The following PLXNA2 variants were observed in gnomAD, a reference collection of about 807,000 sequenced individuals.
PLXNA2 encodes the protein plexin A2.
A neutral mutation model predicts 193.5 loss-of-function variants in PLXNA2; 91 were observed. The ratio of observed to expected loss-of-function variants is 0.47; its 90% CI spans 0.40 to 0.56. The LOEUF is 0.56. Among genes scored for constraint, PLXNA2 ranks in the 20% least tolerant of loss-of-function variants. The probability of loss-of-function intolerance (pLI) is 0.00; values close to 1 mark genes in which losing one functional copy is unlikely to be tolerated. For missense variants in PLXNA2, 1,995 were observed against 2,503.2 expected, an observed-to-expected ratio of 0.80 and a Z score of 4.33; for synonymous variants, 997 against 1,027.3, an observed-to-expected ratio of 0.97 and a Z score of 0.56.
chr1:208,103,204 C>T lies in PLXNA2; in HGVS notation c.1550G>A (p.Cys517Tyr). The change falls in exon 5 of 32, where the codon TGT becomes TAT. Residue 517 changes from cysteine (C) to tyrosine (Y), a missense_variant. Coordinates refer to ENST00000367033, the MANE Select transcript of PLXNA2 (RefSeq NM_025179.4). ...GTCCCCAGAGCTCAGGCACTCCCCA[C>T]AAGTCGTATACTGCTCACATGACTC... ...PVESCEQYTTCGECLSSGDPH... is the reference protein window; with the variant it reads ...PVESCEQYTTYGECLSSGDPH... 1 of 1,614,184 alleles carries T rather than the reference C, an allele frequency of 6.2e-7. No homozygotes were observed. The highest frequency in any genetic ancestry group is 8.5e-7 in the Non-Finnish European group (1 of 1,180,030).
Position 208,098,850 on chromosome 1 carries a change from C to T in PLXNA2, c.1727G>A (p.Arg576Gln), listed in dbSNP as rs777714144. ...GCCCCTGGATGAGTTACTTACCAAC[C>T]GGCTGTGCTCAGATACTGAGATGCT... ...PSSISVSEHS[R>Q]LLSLVVSDAP... is the part of the protein sequence containing the mutation. The change falls in exon 6 of 32, where the codon CGG becomes CAG. Residue 576 changes from arginine to glutamine, a missense_variant. By Grantham distance (43) the Arg-to-Gln change is conservative. This residue lies in a region of PLXNA2 where 702 missense variants were observed against 812.9 expected (regional missense o/e 0.86). Coordinates refer to ENST00000367033, the MANE Select transcript of PLXNA2 (RefSeq NM_025179.4). The T allele has an allele frequency of 8.7e-6, 14 of 1,613,344 alleles. No individual in the cohort carries two copies. Among genetic ancestry groups the T allele is most frequent in the African/African-American group, 6.7e-5 (5 of 74,904 alleles).
intron 1 of PLXNA2, among the ~76,000 whole-genome samples, chr1:208,238,170 AAT>A (rs1489885222): frequency 6.6e-6 from 1 of 152,070 alleles, no homozygotes; most frequent in Non-Finnish European, 1.5e-5. Flanking sequence ...CGTCGGAGAG[AAT>A]ATGTGTGTTT....
intron 11 of PLXNA2, among the ~76,000 whole-genome samples, chr1:208,079,678 T>C (rs550521090): frequency 8.5e-5 from 13 of 152,340 alleles, no homozygotes; most frequent in Admixed American, 5.9e-4. Flanking sequence ...TGGCTCTAGA[T>C]TGAATCAGAT....
At chr1:208,042,653 C>T (rs935125712) in intron 21 of PLXNA2, among the ~76,000 whole-genome samples, 1 of 152,102 alleles carries the variant, frequency 6.6e-6, no homozygotes, top group African/African-American at 2.4e-5. Flanking sequence ...TAGGAGATGC[C>T]CCCTCAAACT....
chr1:208,069,479 A>T (rs1441341691), intron 12 of PLXNA2, among the ~76,000 whole-genome samples: 1 of 152,226 alleles, frequency 6.6e-6, no homozygotes, highest in Non-Finnish European at 1.5e-5. Context: ...TTTGGAGGGA[A>T]CTGTGCCACA....
intron 20 of PLXNA2, 45 bp from the exon 21 acceptor site, chr1:208,043,248 C>A: frequency 6.3e-7 from 1 of 1,596,630 alleles, no homozygotes; most frequent in South Asian, 1.1e-5. Flanking sequence ...AAGCCCCAGT[C>A]GGGGGAGGAG....
chr1:208,244,304 T>TGGCGGC lies in PLXNA2; in HGVS notation c.-748_-743dup, dbSNP rs750500251. ...CTCCCGGCAGCTCTGGCTCCCGCGGTGGCGGCGGCGGCGGCGGCGGCGGCG... is the reference window on the plus strand; with the variant it reads ...CTCCCGGCAGCTCTGGCTCCCGCGGTGGCGGCGGCGGCGGCGGCGGCGGCGGCGGCG... On this transcript the variant is annotated 5_prime_UTR_variant, in exon 1 of 32. Coordinates refer to ENST00000367033, the MANE Select transcript of PLXNA2 (RefSeq NM_025179.4). 8 of 194,330 alleles carry TGGCGGC rather than the reference T, an allele frequency of 4.1e-5. No homozygotes were observed. Among genetic ancestry groups the TGGCGGC allele is most frequent in the Admixed American group, 1.3e-4 (2 of 15,746 alleles). The allele number at this position is 194,330 out of a possible 1,614,324, so 12.0% of individuals were successfully genotyped here.
intron 17 of PLXNA2, among the ~76,000 whole-genome samples, chr1:208,046,352 A>G (rs1023775589): frequency 1.3e-5 from 2 of 152,108 alleles, no homozygotes; most frequent in African/African-American, 2.4e-5. Context: ...TCTAGTTTCT[A>G]GTTTGTGCTG....
intron 2 of PLXNA2, among the ~76,000 whole-genome samples, chr1:208,211,294 G>T (rs1289922461): frequency 6.6e-6 from 1 of 152,182 alleles, no homozygotes; most frequent in Non-Finnish European, 1.5e-5. Context: ...TGGAGGTGGT[G>T]TCCTTCATAT....
chr1:208,155,203 G>A (rs1156850012), intron 3 of PLXNA2, among the ~76,000 whole-genome samples: 1 of 152,122 alleles, frequency 6.6e-6, no homozygotes, highest in Admixed American at 6.5e-5. Context: ...AGGAGGAGTC[G>A]TTTGACTAGG....
chr1:208,055,088 C>T (rs548018632), intron 13 of PLXNA2, among the ~76,000 whole-genome samples: 5 of 152,108 alleles, frequency 3.3e-5, no homozygotes, highest in Admixed American at 6.5e-5. Flanking sequence ...CCCTGCAGAA[C>T]GGGAGGGGTG....
chr1:208,201,557 A>G (rs1436527666), intron 3 of PLXNA2, among the ~76,000 whole-genome samples: 6 of 152,144 alleles, frequency 3.9e-5, no homozygotes, highest in African/African-American at 1.4e-4. Context: ...TGTCACTGAA[A>G]AGGAGCCTGA....
In PLXNA2 at chr1:208,082,896, G is replaced by A. The variant is rs1666392329; in HGVS notation, c.2299-388C>T. On this transcript the variant is annotated intron_variant, in intron 10 of 31. Transcript: ENST00000367033. The surrounding 1 kb of genome is among the most constrained non-coding windows in gnomAD (Gnocchi z 4.2). ...CCCAGCTCAGCTCTACTTTCCCCAGGAGTCCTCTCCCACAACCCTGCAGAT... is the reference window on the plus strand; with the variant it reads ...CCCAGCTCAGCTCTACTTTCCCCAGAAGTCCTCTCCCACAACCCTGCAGAT... 6.6e-6 allele frequency among the ~76,000 whole-genome samples: 1 copy of A among 152,064 alleles called. No individual in the cohort carries two copies. The highest frequency in any genetic ancestry group is 2.4e-5 in the African/African-American group (1 of 41,372).
Position 208,079,466 on chromosome 1 carries a change from G to GA in PLXNA2, c.2396-17_2396-16insT. On this transcript the variant is annotated splice_polypyrimidine_tract_variant and intron_variant, in intron 11 of 31. Coordinates refer to ENST00000367033, the MANE Select transcript of PLXNA2 (RefSeq NM_025179.4). ...TAGAGATGGACTGCAAAGAGAGCAG[G>GA]TGGTCACAGATGAAACCAGAAAGGG... 6.5e-7 allele frequency: 1 copy of GA among 1,549,630 alleles called. No homozygotes were observed. The highest frequency in any genetic ancestry group is 8.8e-7 in the Non-Finnish European group (1 of 1,139,052).
rs200141319 is a variant in PLXNA2 at position 208,031,770 on chromosome 1, G to T, written c.5056-11C>A. On this transcript the variant is annotated splice_polypyrimidine_tract_variant and intron_variant, in intron 28 of 31. Transcript: ENST00000367033. Reference sequence around the variant, plus strand: ...CTTCTGCAGGGTGCCCTGGAGGAGGGGTGGGGGAGAGTAAGATGGAGGGGG... The same window carrying T: ...CTTCTGCAGGGTGCCCTGGAGGAGGTGTGGGGGAGAGTAAGATGGAGGGGG... 243 of 1,588,832 alleles carry T rather than the reference G, an allele frequency of 1.5e-4. No homozygotes were observed. In the African/African-American group the frequency reaches 2.9e-3, roughly 19 times the overall value.
At chr1:208,207,596 C>T (rs954680552) in intron 3 of PLXNA2, among the ~76,000 whole-genome samples, 1 of 152,200 alleles carries the variant, frequency 6.6e-6, no homozygotes, top group Non-Finnish European at 1.5e-5. Context: ...TTCTGACGCA[C>T]CCGGCTTCCC....
chr1:208,065,070 A>C (rs530587612), intron 12 of PLXNA2, among the ~76,000 whole-genome samples: 1 of 152,186 alleles, frequency 6.6e-6, no homozygotes, highest in Non-Finnish European at 1.5e-5. Flanking sequence ...ACTTTAAGCA[A>C]GTCCTTCTAG....
intron 4 of PLXNA2, among the ~76,000 whole-genome samples, chr1:208,134,084 C>T (rs60605570): frequency 0.12 from 18,791 of 152,210 alleles, 1,604 homozygotes; most frequent in Admixed American, 0.25. Context: ...CCACTTCTCC[C>T]AGCCTGGGCA....
intron 1 of PLXNA2, among the ~76,000 whole-genome samples, chr1:208,232,392 T>A (rs1379464446): frequency 6.6e-6 from 1 of 152,234 alleles, no homozygotes; most frequent in African/African-American, 2.4e-5. Context: ...TCCTCCCAGC[T>A]CTCAGCCCTG....
Sources: gnomAD v4.1 joint callset for allele counts (sites outside exome capture counted in the v4.1 genomes callset) on GRCh38, gnomAD v4.1.1 for gene constraint, gnomAD v4.1.1 regional missense constraint, Gnocchi (gnomAD v3.1) non-coding constraint, MANE v1.5 for transcripts, NCBI Gene and HGNC (gene_info 2026-07-23, HGNC 2026-07-21) for gene names.